The following NBEA variants were observed in gnomAD, a reference collection of about 807,000 sequenced individuals.
NBEA encodes the protein lysosomal-trafficking regulator 2.
NBEA carries 44 observed loss-of-function variants against 343.4 expected under a neutral mutation model. That is an observed-to-expected ratio of 0.13 (90% CI 0.10 to 0.16). The LOEUF (loss-of-function observed/expected upper bound fraction) is 0.16, where lower values mean the gene tolerates loss of function less well. NBEA is among the 10% of genes least tolerant of loss of function. NBEA has a pLI of 1.00. For synonymous variants in NBEA, 1,175 were observed against 1,238.7 expected (o/e 0.95, Z 1.08); for missense variants, 2,555 against 3,631.3 (o/e 0.70, Z 7.62).
At chr13:34,998,993 C>A (rs2061032596) in intron 1 of NBEA, among the ~76,000 whole-genome samples, 1 of 152,102 alleles carries the variant, frequency 6.6e-6, no homozygotes, top group African/African-American at 2.4e-5. Flanking sequence ...TGGGGAACTA[C>A]TAAGTGTCCA....
At chr13:35,142,058 ATATTT>A (rs1450409416) in intron 17 of NBEA, among the ~76,000 whole-genome samples, 1 of 152,208 alleles carries the variant, frequency 6.6e-6, no homozygotes, top group Non-Finnish European at 1.5e-5. Flanking sequence ...GTTCACACAG[ATATTT>A]TATTTGAAAA....
chr13:35,628,047 G>A (rs2083302024), intron 48 of NBEA, 34 bp from the exon 49 acceptor site: 2 of 1,568,604 alleles, frequency 1.3e-6, no homozygotes, highest in South Asian at 1.2e-5. Context: ...ACTAAGTTTT[G>A]ATGGTCTCTC....
At chr13:35,108,293 G>C (rs1593368466) in intron 11 of NBEA, among the ~76,000 whole-genome samples, 1 of 151,962 alleles carries the variant, frequency 6.6e-6, no homozygotes, top group African/African-American at 2.4e-5. Flanking sequence ...AAAGATTTAT[G>C]TAGGAAGATA....
At chr13:35,526,238 A>G (rs1037194522) in intron 41 of NBEA, among the ~76,000 whole-genome samples, 6 of 152,244 alleles carry the variant, frequency 3.9e-5, no homozygotes, top group African/African-American at 1.4e-4. Flanking sequence ...TTTTGCTATG[A>G]AACGGTCCAA....
intron 41 of NBEA, among the ~76,000 whole-genome samples, chr13:35,519,240 T>C (rs2077600649): frequency 6.6e-6 from 1 of 152,206 alleles, no homozygotes. Flanking sequence ...TTTCTGTTGG[T>C]TTCACATTAC....
Position 35,050,261 on chromosome 13 carries a change from C to G in NBEA, c.846-8C>G, listed in dbSNP as rs763965613. ...AGGATATTATACTATTCTCAGTTGT[C>G]TTTGCAGTTTTCGTACTAGCAAAGG... On this transcript the variant is annotated splice_polypyrimidine_tract_variant and splice_region_variant and intron_variant, in intron 5 of 58. Coordinates refer to ENST00000379939, the MANE Select transcript of NBEA (RefSeq NM_001385012.1). 5.6e-6 allele frequency: 9 copies of G among 1,607,086 alleles called. No individual in the cohort carries two copies. The Admixed American group carries it at 6.7e-5, about 12-fold the overall frequency.
intron 53 of NBEA, among the ~76,000 whole-genome samples, chr13:35,653,794 A>C (rs1419232557): frequency 1.3e-5 from 2 of 152,178 alleles, no homozygotes; most frequent in Non-Finnish European, 2.9e-5. Context: ...TAGTCTAGCT[A>C]TTTCTCTTTC....
chr13:35,012,727 A>G (rs1021871396), intron 1 of NBEA, among the ~76,000 whole-genome samples: 6 of 152,240 alleles, frequency 3.9e-5, no homozygotes, highest in Non-Finnish European at 8.8e-5. Context: ...CAATGGTTAT[A>G]TAGTCTTGTG....
At chr13:35,008,424 C>T (rs1192288820) in intron 1 of NBEA, among the ~76,000 whole-genome samples, 1 of 152,108 alleles carries the variant, frequency 6.6e-6, no homozygotes, top group African/African-American at 2.4e-5. Context: ...ATGGCCTATA[C>T]AATGTAAATG....
At chr13:35,086,575 T>C (rs2064775895) in intron 10 of NBEA, among the ~76,000 whole-genome samples, 1 of 151,942 alleles carries the variant, frequency 6.6e-6, no homozygotes, top group Admixed American at 6.6e-5. Context: ...GAAACTTAGG[T>C]TGATTTCATA....
intron 41 of NBEA, chr13:35,475,083 G>A (rs534578427): frequency 6.2e-7 from 1 of 1,612,856 alleles, no homozygotes; most frequent in Non-Finnish European, 8.5e-7. Context: ...AACTTTTCGG[G>A]TTGGTCAGGA....
At chr13:35,655,774 C>T in intron 55 of NBEA, 25 bp downstream of exon 55, 3 of 1,585,432 alleles carry the variant, frequency 1.9e-6, no homozygotes, top group South Asian at 2.3e-5. Context: ...CAAATTTGTC[C>T]TATCAAACTA....
At chr13:35,224,422 C>A (rs553053563) in intron 33 of NBEA, among the ~76,000 whole-genome samples, 1 of 152,188 alleles carries the variant, frequency 6.6e-6, no homozygotes, top group South Asian at 2.1e-4. Flanking sequence ...TTTGAATGCA[C>A]CAATGTGCAC....
intron 41 of NBEA, chr13:35,476,083 T>G (rs2075850442): frequency 6.2e-7 from 1 of 1,614,032 alleles, no homozygotes; most frequent in Non-Finnish European, 8.5e-7. Flanking sequence ...GGCTTGGCAT[T>G]TTTCGTTGTA....
chr13:35,055,927 A>G (rs9530108), intron 6 of NBEA, 83 bp from the exon 7 acceptor site: 158,518 of 1,105,998 alleles, frequency 0.14, 13,000 homozygotes, highest in Middle Eastern at 0.25. Context: ...ATATTCTTGT[A>G]GGGTTTTATG....
At position 35,479,656 on chromosome 13, in the gene NBEA, T is replaced by A. The variant is rs1047775156; in HGVS notation, c.6585+7120T>A. On this transcript the variant is annotated intron_variant, in intron 41 of 58. Coordinates refer to ENST00000379939, the MANE Select transcript of NBEA (RefSeq NM_001385012.1). Reference sequence around the variant, plus strand: ...CATTTGACCTATTAAACTAGTTATGTCAAATGATTATGTAGTACATAGAGA... The same window carrying A: ...CATTTGACCTATTAAACTAGTTATGACAAATGATTATGTAGTACATAGAGA... Among the ~76,000 whole-genome samples the A allele has an allele frequency of 2.6e-5, 4 of 152,214 alleles. No homozygotes were observed. The South Asian group carries it at 8.3e-4, about 32-fold the overall frequency.
intron 41 of NBEA, among the ~76,000 whole-genome samples, chr13:35,534,477 G>A (rs893113718): frequency 6.6e-6 from 1 of 152,078 alleles, no homozygotes; most frequent in African/African-American, 2.4e-5. Context: ...TTCCTCCAGT[G>A]CTCTCAATGG....
intron 1 of NBEA, among the ~76,000 whole-genome samples, chr13:34,989,875 G>A (rs1446148417): frequency 6.6e-6 from 1 of 150,992 alleles, no homozygotes; most frequent in Non-Finnish European, 1.5e-5. Flanking sequence ...CAGGCATTGG[G>A]CAAATGTTCC....
intron 35 of NBEA, among the ~76,000 whole-genome samples, chr13:35,302,745 A>T (rs2036635901): frequency 6.6e-6 from 1 of 152,204 alleles, no homozygotes. Context: ...CTAGAATTAA[A>T]GTCTTGTTTC....
Sources: allele counts gnomAD v4.1 joint callset (sites outside exome capture counted in the v4.1 genomes callset), GRCh38; gene constraint gnomAD v4.1.1; transcripts MANE v1.5; gene names NCBI Gene and HGNC (gene_info 2026-07-23, HGNC 2026-07-21).